Variants in ABTB3 observed in about 807,000 individuals in gnomAD.
ABTB3 encodes the protein ankyrin repeat and BTB domain containing 3, also known as ankyrin repeat- and BTB/POZ domain-containing protein 3.
the ABTB3 span, among the ~76,000 whole-genome samples, chr12:107,526,379 A>G: frequency 6.6e-6 from 1 of 152,176 alleles, no homozygotes; most frequent in Non-Finnish European, 1.5e-5. Context: ...TGGGCGGTCC[A>G]GTTCGTCTTT....
At chr12:107,329,798 G>A in the ABTB3 span, among the ~76,000 whole-genome samples, 1 of 152,186 alleles carries the variant, frequency 6.6e-6, no homozygotes, top group Non-Finnish European at 1.5e-5. Flanking sequence ...CATTATGACT[G>A]TTTCTATAGG....
At chr12:107,598,717 A>G in the ABTB3 span, among the ~76,000 whole-genome samples, 4 of 152,234 alleles carry the variant, frequency 2.6e-5, no homozygotes, top group Non-Finnish European at 2.9e-5. Context: ...ACATGTAATA[A>G]ACTCAGGGAA....
chr12:107,649,229 T>C, the ABTB3 span: 1 of 1,613,632 alleles, frequency 6.2e-7, no homozygotes, highest in Non-Finnish European at 8.5e-7. Context: ...ATCTCTACTA[T>C]GGTGGCCCAG....
the ABTB3 span, among the ~76,000 whole-genome samples, chr12:107,420,175 C>T: frequency 6.6e-6 from 1 of 152,190 alleles, no homozygotes; most frequent in East Asian, 1.9e-4. Flanking sequence ...TCAGTTTATA[C>T]ATCCAGTGGG....
the ABTB3 span, among the ~76,000 whole-genome samples, chr12:107,510,710 C>T: frequency 6.6e-6 from 1 of 151,968 alleles, no homozygotes; most frequent in Non-Finnish European, 1.5e-5. Flanking sequence ...CACTAGAGCT[C>T]AGGAGTTTGA....
the ABTB3 span, among the ~76,000 whole-genome samples, chr12:107,436,589 A>G: frequency 1.8e-4 from 28 of 152,362 alleles, no homozygotes; most frequent in African/African-American, 5.8e-4. Flanking sequence ...CGAGTGACTC[A>G]GCATCCAGAA....
At chr12:107,354,312 A>T in the ABTB3 span, among the ~76,000 whole-genome samples, 1 of 152,162 alleles carries the variant, frequency 6.6e-6, no homozygotes, top group Non-Finnish European at 1.5e-5. Context: ...GAGTTGTACA[A>T]CCATCATCAC....
chr12:107,335,674 C>T, the ABTB3 span, among the ~76,000 whole-genome samples: 12 of 152,146 alleles, frequency 7.9e-5, no homozygotes, highest in African/African-American at 2.9e-4. Flanking sequence ...TGACTACCCA[C>T]GGAGCTGGGA....
the ABTB3 span, chr12:107,620,156 G>A: frequency 1.9e-6 from 3 of 1,614,142 alleles, no homozygotes; most frequent in Admixed American, 5.0e-5. Flanking sequence ...GATCCTGAAA[G>A]CGAGCAAGGT....
At chr12:107,477,443 G>A in the ABTB3 span, among the ~76,000 whole-genome samples, 1 of 152,162 alleles carries the variant, frequency 6.6e-6, no homozygotes. Context: ...CTTTTGAGAT[G>A]GGAATTTTAA....
the ABTB3 span, chr12:107,610,028 A>T: frequency 3.9e-6 from 3 of 772,690 alleles, no homozygotes; most frequent in Non-Finnish European, 6.3e-6. Context: ...TAAAGGACAA[A>T]GGATCAAGAG....
At chr12:107,392,237 C>T in the ABTB3 span, among the ~76,000 whole-genome samples, 2 of 152,200 alleles carry the variant, frequency 1.3e-5, no homozygotes, top group African/African-American at 2.4e-5. Context: ...GAGCTAGCTT[C>T]TTTGGGCTTC....
the ABTB3 span, among the ~76,000 whole-genome samples, chr12:107,417,232 C>A: frequency 6.6e-6 from 1 of 152,190 alleles, no homozygotes. Context: ...ACGTCTGCCA[C>A]CGGCTGGCCT....
chr12:107,321,384 G>T, the ABTB3 span, among the ~76,000 whole-genome samples: 2 of 152,178 alleles, frequency 1.3e-5, no homozygotes, highest in African/African-American at 4.8e-5. Flanking sequence ...GGCTCCAGCC[G>T]AAGCCTTTGG....
chr12:107,495,754 G>A, the ABTB3 span, among the ~76,000 whole-genome samples: 1 of 152,190 alleles, frequency 6.6e-6, no homozygotes, highest in Non-Finnish European at 1.5e-5. Flanking sequence ...CCTAACATAA[G>A]CACCCAAGCC....
chr12:107,324,873 AT>A, the ABTB3 span, among the ~76,000 whole-genome samples: 2 of 152,182 alleles, frequency 1.3e-5, no homozygotes, highest in African/African-American at 4.8e-5. Flanking sequence ...CTAACCCCAA[AT>A]TTTCACTCTA....
At chr12:107,396,290 A>G in the ABTB3 span, among the ~76,000 whole-genome samples, 90,087 of 152,044 alleles carry the variant, frequency 0.59, 26,867 homozygotes, top group East Asian at 0.71. Context: ...TTCTGCCCCC[A>G]CCTTCTTCCC....
At chr12:107,331,318 A>G in the ABTB3 span, among the ~76,000 whole-genome samples, 1 of 152,132 alleles carries the variant, frequency 6.6e-6, no homozygotes, top group African/African-American at 2.4e-5. Flanking sequence ...GCCCTCATGG[A>G]GCTTGCAGGC....
At chr12:107,413,286 A>G in the ABTB3 span, among the ~76,000 whole-genome samples, 6 of 152,184 alleles carry the variant, frequency 3.9e-5, no homozygotes, top group Non-Finnish European at 4.4e-5. Flanking sequence ...AAAATAAAAA[A>G]AAAAGCGCAT....
Sources: gnomAD v4.1 joint callset for allele counts (sites outside exome capture counted in the v4.1 genomes callset) on GRCh38, gnomAD v4.1.1 for gene constraint, MANE v1.5 for transcripts, NCBI Gene and HGNC (gene_info 2026-07-23, HGNC 2026-07-21) for gene names.